The following SMIM36 variants were observed in gnomAD, a reference collection of about 807,000 sequenced individuals.
SMIM36 encodes small integral membrane protein 36.
At chr17:55,477,511 C>G (rs1187900301) in intron 3 of SMIM36, among the ~76,000 whole-genome samples, 1 of 152,164 alleles carries the variant, frequency 6.6e-6, no homozygotes, top group Non-Finnish European at 1.5e-5. Flanking sequence ...AGGGCCCGCT[C>G]TAATGACCCT....
At chr17:55,496,010 G>GTATACA (rs1441199832) in intron 1 of SMIM36, among the ~76,000 whole-genome samples, 2 of 152,080 alleles carry the variant, frequency 1.3e-5, no homozygotes, top group Non-Finnish European at 2.9e-5. Flanking sequence ...TGACTGCTGC[G>GTATACA]TATACATTTT....
At chr17:55,462,011 T>A (rs1451085602) in intron 4 of SMIM36, among the ~76,000 whole-genome samples, 1 of 152,176 alleles carries the variant, frequency 6.6e-6, no homozygotes, top group Non-Finnish European at 1.5e-5. Flanking sequence ...CAAATTCATA[T>A]TTTTCTGGGT....
intron 3 of SMIM36, among the ~76,000 whole-genome samples, 185 bp from the exon 4 acceptor site, chr17:55,467,513 C>T (rs538359040): frequency 2.0e-3 from 297 of 152,180 alleles, no homozygotes; most frequent in Non-Finnish European, 3.5e-3. Context: ...TCTCCTGCCT[C>T]AGCCTCCCAA....
intron 4 of SMIM36, among the ~76,000 whole-genome samples, chr17:55,450,997 C>G (rs548473989): frequency 6.6e-6 from 1 of 152,334 alleles, no homozygotes; most frequent in East Asian, 1.9e-4. Context: ...AGCAATTCTC[C>G]TGCCTCAGCC....
intron 3 of SMIM36, among the ~76,000 whole-genome samples, chr17:55,477,370 C>CTTGCCTTCT (rs1909442364): frequency 6.6e-6 from 1 of 152,054 alleles, no homozygotes; most frequent in Non-Finnish European, 1.5e-5. Flanking sequence ...TCTTGAGTTC[C>CTTGCCTTCT]CTGGCTTAGA....
At chr17:55,473,243 CTGCCA>C (rs1193256506) in intron 3 of SMIM36, among the ~76,000 whole-genome samples, 1 of 152,202 alleles carries the variant, frequency 6.6e-6, no homozygotes, top group East Asian at 1.9e-4. Flanking sequence ...AATGCTCTGT[CTGCCA>C]TGCCACCAGC....
intron 1 of SMIM36, among the ~76,000 whole-genome samples, chr17:55,492,820 T>G (rs1226472696): frequency 3.3e-5 from 5 of 152,202 alleles, no homozygotes; most frequent in African/African-American, 1.2e-4. Flanking sequence ...TAAAGTTCCA[T>G]GCACGGTGGC....
At chr17:55,515,766 C>T (rs950070589), upstream of SMIM36, among the ~76,000 whole-genome samples, 4 of 152,348 alleles carry the variant, frequency 2.6e-5, no homozygotes, top group Admixed American at 2.6e-4. Context: ...TGATTCCAGA[C>T]TTTCAGTCTC....
chr17:55,515,269 C>T (rs1255991927), upstream of SMIM36, among the ~76,000 whole-genome samples: 1 of 151,998 alleles, frequency 6.6e-6, no homozygotes, highest in Non-Finnish European at 1.5e-5. Context: ...GCTAAGAGGA[C>T]ATAACCTAAC....
chr17:55,477,851 CTT>C (rs34470317), intron 3 of SMIM36, among the ~76,000 whole-genome samples: 178 of 144,624 alleles, frequency 1.2e-3, no homozygotes, highest in Admixed American at 2.0e-3. Flanking sequence ...GAACCTATTA[CTT>C]TTTTTTTTTT....
chr17:55,517,414 G>A, the SMIM36 span, among the ~76,000 whole-genome samples: 1 of 152,168 alleles, frequency 6.6e-6, no homozygotes, highest in African/African-American at 2.4e-5. Context: ...AGCCAGGCAT[G>A]GTGCTGCACA....
At chr17:55,499,466 T>C (rs1909870799) in intron 1 of SMIM36, among the ~76,000 whole-genome samples, 1 of 152,184 alleles carries the variant, frequency 6.6e-6, no homozygotes, top group Non-Finnish European at 1.5e-5. Flanking sequence ...TCTTAATCTT[T>C]GAACTAGTTT....
intron 3 of SMIM36, among the ~76,000 whole-genome samples, chr17:55,474,540 GA>G (rs34017652): frequency 0.5 from 76,597 of 151,916 alleles, 19,668 homozygotes; most frequent in South Asian, 0.57. Flanking sequence ...CATTTGAGTG[GA>G]AGCGTGGCCT....
At chr17:55,451,677 G>T (rs1447290235) in intron 4 of SMIM36, among the ~76,000 whole-genome samples, 1 of 152,168 alleles carries the variant, frequency 6.6e-6, no homozygotes, top group East Asian at 1.9e-4. Flanking sequence ...TTGAATGAAT[G>T]AATTTACCAG....
intron 3 of SMIM36, among the ~76,000 whole-genome samples, chr17:55,470,126 C>T (rs151069490): frequency 6.6e-6 from 1 of 152,304 alleles, no homozygotes; most frequent in East Asian, 1.9e-4. Context: ...GCCCAGGATT[C>T]CTCCTAAGCC....
chr17:55,511,094 C>T (rs1387094414), exon 1 of SMIM36: 2 of 398,430 alleles, frequency 5.0e-6, no homozygotes, highest in Non-Finnish European at 8.8e-6. Flanking sequence ...GCAGGATCCC[C>T]CAAAGAAAGG....
chr17:55,489,300 C>A (rs1909661639), intron 1 of SMIM36, among the ~76,000 whole-genome samples: 1 of 152,044 alleles, frequency 6.6e-6, no homozygotes, highest in Non-Finnish European at 1.5e-5. Context: ...ATCGCTTGAA[C>A]CTGGGAGGTG....
intron 1 of SMIM36, among the ~76,000 whole-genome samples, chr17:55,497,050 G>A (rs149407320): frequency 2.6e-5 from 4 of 152,242 alleles, no homozygotes; most frequent in Non-Finnish European, 4.4e-5. Context: ...ATACTTTAGG[G>A]ATAATTCCGA....
intron 1 of SMIM36, among the ~76,000 whole-genome samples, chr17:55,502,075 G>A (rs937798537): frequency 3.3e-5 from 5 of 151,852 alleles, no homozygotes; most frequent in African/African-American, 1.2e-4. Flanking sequence ...AGGGTCCTAC[G>A]CCCACGGAAT....
Sources: gnomAD v4.1 joint callset for allele counts (sites outside exome capture counted in the v4.1 genomes callset) on GRCh38, gnomAD v4.1.1 for gene constraint, MANE v1.5 for transcripts, NCBI Gene and HGNC (gene_info 2026-07-23, HGNC 2026-07-21) for gene names.